PCCA: variants seen among roughly 807,000 people sequenced by gnomAD.
PCCA encodes the protein propionyl-CoA carboxylase alpha chain, mitochondrial.
Under a neutral mutation model 101.3 loss-of-function variants are expected in PCCA, and 74 were observed. That is an observed-to-expected ratio of 0.73 (90% CI 0.61 to 0.89). The LOEUF is 0.89. Among genes scored for constraint, PCCA ranks in the 40% least tolerant of loss-of-function variants. PCCA has a pLI of 0.00. For missense variants in PCCA, 891 were observed against 907.0 expected (o/e 0.98, Z 0.23); for synonymous variants, 294 against 313.6 (o/e 0.94, Z 0.66).
rs9513739 is a variant in PCCA, at chr13:100,179,095, T to A, written c.468+21755T>A. Reference sequence around the variant, plus strand: ...CCTTCTCAAAAAAAAAAAAAAAATATATATATATATATATTTGTGCTTGTT... The same window carrying A: ...CCTTCTCAAAAAAAAAAAAAAAATAAATATATATATATATTTGTGCTTGTT... On this transcript the variant is annotated intron_variant, in intron 6 of 23. Coordinates refer to ENST00000376285, the MANE Select transcript of PCCA (RefSeq NM_000282.4). Among the ~76,000 whole-genome samples the A allele has an allele frequency of 2.6e-3, 351 of 135,386 alleles. 4 individuals are homozygous for A. Among genetic ancestry groups the A allele is most frequent in the South Asian group, 0.017 (75 of 4,412 alleles). The allele number at this position is 135,386 out of a possible 152,430, so 88.8% of individuals were successfully genotyped here.
intron 16 of PCCA, among the ~76,000 whole-genome samples, chr13:100,326,155 C>A (rs1335832071): frequency 6.6e-6 from 1 of 152,134 alleles, no homozygotes; most frequent in Non-Finnish European, 1.5e-5. Flanking sequence ...TGCATGACTT[C>A]ACAGGATTTA....
chr13:100,273,408 C>CT, intron 12 of PCCA, 62 bp downstream of exon 12: 4 of 1,355,272 alleles, frequency 3.0e-6, no homozygotes. Context: ...CTTCTCCACC[C>CT]TTTTTTGTTT....
chr13:100,499,150 G>A (rs543814547), intron 21 of PCCA, among the ~76,000 whole-genome samples: 3 of 152,180 alleles, frequency 2.0e-5, no homozygotes, highest in East Asian at 1.9e-4. Flanking sequence ...GTTTGCTTCC[G>A]TGGCTCAGCA....
intron 12 of PCCA, among the ~76,000 whole-genome samples, chr13:100,284,956 C>T (rs1222901930): frequency 2.0e-5 from 3 of 152,176 alleles, no homozygotes; most frequent in South Asian, 2.1e-4. Context: ...TCAGAAGCCT[C>T]GTGCCAGCAG....
chr13:100,506,092 G>A (rs954373725), intron 21 of PCCA, among the ~76,000 whole-genome samples: 4 of 152,130 alleles, frequency 2.6e-5, no homozygotes, highest in Non-Finnish European at 5.9e-5. Context: ...GTGCCATCTC[G>A]TTGGGATGTC....
At chr13:100,361,461 A>AAG (rs770603733) in intron 18 of PCCA, among the ~76,000 whole-genome samples, 12 of 111,508 alleles carry the variant, frequency 1.1e-4, no homozygotes, top group Non-Finnish European at 2.4e-4. Context: ...TTTTTTTTTA[A>AAG]ATCTGCTGAA....
At chr13:100,159,265 A>G (rs2054197149) in intron 6 of PCCA, among the ~76,000 whole-genome samples, 1 of 151,178 alleles carries the variant, frequency 6.6e-6, no homozygotes, top group Admixed American at 6.6e-5. Flanking sequence ...TAATTTTTGT[A>G]TTTTTAGTAG....
At chr13:100,371,042 G>A (rs2152815516) in intron 19 of PCCA, among the ~76,000 whole-genome samples, 1 of 152,274 alleles carries the variant, frequency 6.6e-6, no homozygotes, top group South Asian at 2.1e-4. Flanking sequence ...GGAAAGTACA[G>A]CAGATGTTGC....
chr13:100,169,248 C>G (rs919010593), intron 6 of PCCA, among the ~76,000 whole-genome samples: 1 of 133,110 alleles, frequency 7.5e-6, no homozygotes, highest in Admixed American at 7.2e-5. Context: ...TTGAGACCAA[C>G]CTGGCCAACA....
intron 2 of PCCA, among the ~76,000 whole-genome samples, chr13:100,107,206 A>T (rs1288704363): frequency 6.6e-6 from 1 of 152,232 alleles, no homozygotes; most frequent in Non-Finnish European, 1.5e-5. Context: ...TATCCGGGTG[A>T]AATTTAATCA....
At position 100,375,829 on chromosome 13, in the gene PCCA, A is replaced by G. The variant is rs181703952; in HGVS notation, c.1746+7255A>G. ...AAATGTAAACGGGCTAAATGCCCCAATTAAAAGACACAGACTGGCAAATTG... is the reference window on the plus strand; with the variant it reads ...AAATGTAAACGGGCTAAATGCCCCAGTTAAAAGACACAGACTGGCAAATTG... On this transcript the variant is annotated intron_variant, in intron 19 of 23. Coordinates refer to ENST00000376285, the MANE Select transcript of PCCA (RefSeq NM_000282.4). Among the ~76,000 whole-genome samples, 927 of 152,352 alleles carry G rather than the reference A, an allele frequency of 6.1e-3. 9 individuals are homozygous for G. Among genetic ancestry groups the G allele is most frequent in the African/African-American group, 0.021 (869 of 41,574 alleles).
intron 21 of PCCA, among the ~76,000 whole-genome samples, chr13:100,497,617 AT>A (rs1426387561): frequency 1.3e-5 from 2 of 152,162 alleles, no homozygotes; most frequent in Non-Finnish European, 2.9e-5. Context: ...ATGCCAAGTC[AT>A]TTCCTCTGTT....
intron 21 of PCCA, among the ~76,000 whole-genome samples, chr13:100,453,276 A>C (rs1041866888): frequency 2.0e-5 from 3 of 152,036 alleles, no homozygotes; most frequent in Admixed American, 1.3e-4. Context: ...CTGAGGTGGG[A>C]GGATCACCTG....
intron 18 of PCCA, among the ~76,000 whole-genome samples, chr13:100,350,534 A>C (rs2073140972): frequency 6.6e-6 from 1 of 152,234 alleles, no homozygotes; most frequent in Non-Finnish European, 1.5e-5. Flanking sequence ...TCAGTTACTT[A>C]ATATGACTGT....
chr13:100,210,621 T>C (rs984961750), intron 7 of PCCA, among the ~76,000 whole-genome samples: 2 of 152,238 alleles, frequency 1.3e-5, no homozygotes, highest in Non-Finnish European at 2.9e-5. Context: ...AATGCAGAAA[T>C]TGAAGTATGC....
At chr13:100,119,485 T>C (rs2049150922) in intron 4 of PCCA, among the ~76,000 whole-genome samples, 1 of 152,190 alleles carries the variant, frequency 6.6e-6, no homozygotes, top group African/African-American at 2.4e-5. Flanking sequence ...TTATATTAAA[T>C]TTTTGGCATA....
At chr13:100,134,026 A>G (rs1452694282) in intron 4 of PCCA, among the ~76,000 whole-genome samples, 1 of 151,918 alleles carries the variant, frequency 6.6e-6, no homozygotes, top group Non-Finnish European at 1.5e-5. Context: ...CCTACTTTTG[A>G]GGTTTTGGGA....
chr13:100,219,643 C>G (rs1594784017), intron 7 of PCCA, among the ~76,000 whole-genome samples: 2 of 152,200 alleles, frequency 1.3e-5, no homozygotes, highest in East Asian at 3.9e-4. Context: ...ATACTGCCAC[C>G]CATATCAATA....
intron 1 of PCCA, among the ~76,000 whole-genome samples, chr13:100,095,178 C>T (rs962590742): frequency 1.3e-5 from 2 of 152,094 alleles, no homozygotes; most frequent in South Asian, 2.1e-4. Context: ...CCTTCTTGTG[C>T]GTCTTTCCCT....
Sources: gnomAD v4.1 joint callset for allele counts (sites outside exome capture counted in the v4.1 genomes callset) on GRCh38, gnomAD v4.1.1 for gene constraint, MANE v1.5 for transcripts, NCBI Gene and HGNC (gene_info 2026-07-23, HGNC 2026-07-21) for gene names.